The following RAD52 variants were observed in gnomAD, a reference collection of about 807,000 sequenced individuals.
The protein encoded by RAD52 is DNA repair protein RAD52 homolog.
RAD52 carries 47 observed loss-of-function variants against 55.5 expected under a neutral mutation model. The observed-to-expected ratio is 0.85, with a 90% CI of 0.67 to 1.08. The LOEUF (loss-of-function observed/expected upper bound fraction) is 1.08, where lower values mean the gene tolerates loss of function less well. Ranked by LOEUF, RAD52 falls within the 50% of genes least tolerant of loss-of-function variation. The pLI, the probability that RAD52 is intolerant of heterozygous loss-of-function variation, is 0.00. For missense variants in RAD52, 468 were observed against 522.8 expected (o/e 0.90, Z 1.02); for synonymous variants, 184 against 198.9 (o/e 0.92, Z 0.63).
chr12:978,333 G>A (rs931032745), intron 1 of RAD52, among the ~76,000 whole-genome samples: 1 of 151,986 alleles, frequency 6.6e-6, no homozygotes, highest in South Asian at 2.1e-4. Flanking sequence ...GATTACAGGC[G>A]TGAGCCACCA....
intron 1 of RAD52, among the ~76,000 whole-genome samples, chr12:944,664 A>G (rs983083478): frequency 2.6e-5 from 4 of 151,466 alleles, no homozygotes; most frequent in African/African-American, 9.7e-5. Flanking sequence ...GGACTAGGAT[A>G]GTGGCTATGG....
intron 1 of RAD52, chr12:975,722 C>T (rs1388277180): frequency 2.0e-5 from 3 of 152,210 alleles, no homozygotes; most frequent in African/African-American, 7.2e-5. Flanking sequence ...CACAAACTAT[C>T]TTTCCACTCA....
chr12:940,960 A>T (rs974800149), intron 1 of RAD52, among the ~76,000 whole-genome samples: 2 of 152,204 alleles, frequency 1.3e-5, no homozygotes, highest in Non-Finnish European at 2.9e-5. Context: ...ACTCACATAC[A>T]GAAGAAGTGA....
chr12:912,722 C>CAAAA lies in RAD52; in HGVS notation c.*665_*668dup, dbSNP rs60090525. ...AGGGCAACACAGCCAGACCCCGTCT[C>CAAAA]AAAAAAAAAAAAAAAAAAAAAAACA... On this transcript the variant is annotated 3_prime_UTR_variant, in exon 12 of 12. Coordinates refer to ENST00000358495, the MANE Select transcript of RAD52 (RefSeq NM_134424.4). 0.032 allele frequency: 2,360 copies of CAAAA among 73,128 alleles called. 141 individuals are homozygous for CAAAA. The highest frequency in any genetic ancestry group is 0.042 in the Non-Finnish European group (1,632 of 39,182). The allele number at this position is 73,128 out of a possible 1,614,324, so 4.5% of individuals were successfully genotyped here.
chr12:960,705 A>T (rs1031464624), intron 1 of RAD52, among the ~76,000 whole-genome samples: 8 of 152,074 alleles, frequency 5.3e-5, no homozygotes, highest in African/African-American at 1.9e-4. Flanking sequence ...ACCTCAAGCG[A>T]TGCCCCCCTT....
intron 1 of RAD52, among the ~76,000 whole-genome samples, chr12:936,593 G>C (rs930696383): frequency 6.6e-6 from 1 of 151,986 alleles, no homozygotes; most frequent in African/African-American, 2.4e-5. Flanking sequence ...CCAGGGCTCA[G>C]GTGATCCTCC....
chr12:924,851 T>C lies in RAD52; in HGVS notation c.543+599A>G, dbSNP rs897479099. ...GACAGTGGTGCTGCAGAGGGCTGTGTGCTTGCTTTGAGGCTTCACAGACTA... is the reference window on the plus strand; with the variant it reads ...GACAGTGGTGCTGCAGAGGGCTGTGCGCTTGCTTTGAGGCTTCACAGACTA... On this transcript the variant is annotated intron_variant, in intron 7 of 11. Coordinates refer to ENST00000358495, the MANE Select transcript of RAD52 (RefSeq NM_134424.4). Among the ~76,000 whole-genome samples the C allele has an allele frequency of 3.9e-5, 6 of 152,044 alleles. No individual in the cohort carries two copies. In the East Asian group the frequency reaches 1.2e-3, roughly 29 times the overall value.
At position 914,537 on chromosome 12, in the gene RAD52, G is replaced by C; in HGVS notation, c.866-5C>G. ...CAGGAGGGGCCGGAGGCGCTGCTAC[G>C]GTTCACAGAGGAGAGAAAGGACAAG... On this transcript the variant is annotated splice_polypyrimidine_tract_variant and splice_region_variant and intron_variant, in intron 9 of 11. Coordinates refer to ENST00000358495, the MANE Select transcript of RAD52 (RefSeq NM_134424.4). 6.2e-7 allele frequency: 1 copy of C among 1,612,984 alleles called. No individual in the cohort carries two copies. Among genetic ancestry groups the C allele is most frequent in the African/African-American group, 1.3e-5 (1 of 75,000 alleles).
intron 1 of RAD52, among the ~76,000 whole-genome samples, chr12:958,090 G>C (rs1022646205): frequency 1.3e-5 from 2 of 152,214 alleles, no homozygotes; most frequent in East Asian, 3.9e-4. Context: ...AGGGGGCTCC[G>C]GGGCTGGGAG....
chr12:940,426 G>C (rs1957862472), intron 1 of RAD52, among the ~76,000 whole-genome samples: 1 of 152,064 alleles, frequency 6.6e-6, no homozygotes, highest in Non-Finnish European at 1.5e-5. Context: ...ATGAAACCCA[G>C]TCTCTACTAA....
At chr12:950,743 T>G (rs1227599481), upstream of RAD52, among the ~76,000 whole-genome samples, 2 of 151,364 alleles carry the variant, frequency 1.3e-5, no homozygotes, top group Non-Finnish European at 2.9e-5. Flanking sequence ...GCGAGATATT[T>G]TCAACTTACT....
intron 1 of RAD52, among the ~76,000 whole-genome samples, chr12:967,780 AC>A (rs975918510): frequency 3.3e-5 from 5 of 151,906 alleles, no homozygotes; most frequent in African/African-American, 1.2e-4. Flanking sequence ...AATTAAAAAA[AC>A]TTTTTGTGGC....
intron 3 of RAD52, among the ~76,000 whole-genome samples, chr12:930,765 G>A (rs944635263): frequency 6.6e-6 from 1 of 151,906 alleles, no homozygotes; most frequent in African/African-American, 2.4e-5. Flanking sequence ...CCAGCAGTTC[G>A]AGATCAGCCT....
intron 1 of RAD52, among the ~76,000 whole-genome samples, chr12:946,980 T>C (rs1248514390): frequency 6.6e-6 from 1 of 152,198 alleles, no homozygotes; most frequent in Non-Finnish European, 1.5e-5. Context: ...CTCTGCTTGA[T>C]ACCACGATAA....
chr12:940,980 G>A, intron 1 of RAD52, among the ~76,000 whole-genome samples: 1 of 152,148 alleles, frequency 6.6e-6, no homozygotes, highest in East Asian at 1.9e-4. Flanking sequence ...AAAGAGAATG[G>A]AACAGAAGAA....
At chr12:978,434 T>A (rs1000192714) in intron 1 of RAD52, among the ~76,000 whole-genome samples, 9 of 152,248 alleles carry the variant, frequency 5.9e-5, no homozygotes, top group African/African-American at 2.2e-4. Context: ...TAAAATTTTT[T>A]CAGTGTGGCT....
chr12:943,657 C>A lies in RAD52; in HGVS notation c.-19+5945G>T, dbSNP rs73027388. 9.8e-3 allele frequency among the ~76,000 whole-genome samples: 1,495 copies of A among 152,104 alleles called. 9 individuals carry two copies. Among genetic ancestry groups the A allele is most frequent in the Non-Finnish European group, 0.016 (1,100 of 67,986 alleles). ...AGCCACCGCGCCTGGCCTATTAGTT[C>A]TTTATTTATCTTGAATATCAGTCTT... On this transcript the variant is annotated intron_variant, in intron 1 of 11. Transcript: ENST00000358495.
At chr12:982,394 A>G (rs1959029160) in intron 1 of RAD52, among the ~76,000 whole-genome samples, 2 of 152,150 alleles carry the variant, frequency 1.3e-5, no homozygotes, top group South Asian at 2.1e-4. Flanking sequence ...TTCTTCCCAC[A>G]TTTTACTAAA....
rs1161582563 is a variant in RAD52, at chr12:927,115, C to T, written c.467+30G>A. The T allele has an allele frequency of 7.5e-6, 12 of 1,591,374 alleles. No homozygotes were observed. The Admixed American group carries it at 8.4e-5, about 11-fold the overall frequency. On this transcript the variant is annotated intron_variant, in intron 6 of 11. Transcript: ENST00000358495. The stretch of plus-strand genomic sequence containing the variant: ...TGCTCTGAAGCAAGAGCTGAAATGA[C>T]GCAGGTTAGACTCCCAGCCCCGCGC...
Sources: gnomAD v4.1 joint callset for allele counts (sites outside exome capture counted in the v4.1 genomes callset) on GRCh38, gnomAD v4.1.1 for gene constraint, MANE v1.5 for transcripts, NCBI Gene and HGNC (gene_info 2026-07-23, HGNC 2026-07-21) for gene names.